PHIP: variants seen among roughly 807,000 people sequenced by gnomAD.
The protein encoded by PHIP is PHIP subunit of CUL4-Ring ligase complex.
A neutral mutation model predicts 236.8 loss-of-function variants in PHIP; 54 were observed. The observed-to-expected ratio is 0.23, with a 90% CI of 0.18 to 0.29. The LOEUF (loss-of-function observed/expected upper bound fraction) is 0.29. Among genes scored for constraint, PHIP ranks in the 10% least tolerant of loss-of-function variants. PHIP has a pLI of 1.00. For synonymous variants in PHIP, 756 were observed against 718.9 expected (o/e 1.05, Z -0.83); for missense variants, 1,370 against 2,190.8 (o/e 0.63, Z 7.48).
At chr6:79,042,727 A>G (rs939643531) in intron 7 of PHIP, 116 bp downstream of exon 7, 2 of 663,868 alleles carry the variant, frequency 3.0e-6, no homozygotes, top group African/African-American at 3.8e-5. Context: ...AAACCACCTG[A>G]ATTTCCGGTT....
chr6:79,043,263 G>C (rs1239911767), intron 6 of PHIP, among the ~76,000 whole-genome samples: 1 of 152,010 alleles, frequency 6.6e-6, no homozygotes, highest in Non-Finnish European at 1.5e-5. Flanking sequence ...ACAAAGTAAG[G>C]CATGAAGCTA....
At chr6:79,055,630 A>C (rs1031536600) in intron 6 of PHIP, among the ~76,000 whole-genome samples, 1 of 152,200 alleles carries the variant, frequency 6.6e-6, no homozygotes, top group African/African-American at 2.4e-5. Flanking sequence ...GTTCTAGAGC[A>C]CTGGAAGGCA....
intron 6 of PHIP, among the ~76,000 whole-genome samples, chr6:79,045,128 T>C (rs1049486353): frequency 6.6e-6 from 1 of 152,160 alleles, no homozygotes; most frequent in African/African-American, 2.4e-5. Context: ...GACTATATTC[T>C]GAAAGAAAAG....
chr6:79,029,484 GA>G (rs1415824573), intron 7 of PHIP, among the ~76,000 whole-genome samples: 1 of 152,016 alleles, frequency 6.6e-6, no homozygotes, highest in African/African-American at 2.4e-5. Flanking sequence ...AATGTATTGG[GA>G]AAAAATGTTT....
At chr6:79,063,846 C>G (rs1339214117) in intron 4 of PHIP, among the ~76,000 whole-genome samples, 1 of 152,138 alleles carries the variant, frequency 6.6e-6, no homozygotes, top group Admixed American at 6.5e-5. Context: ...GAACACATAT[C>G]TCAATGCTTG....
At chr6:78,962,763 G>A (rs932326304) in intron 30 of PHIP, among the ~76,000 whole-genome samples, 5 of 152,078 alleles carry the variant, frequency 3.3e-5, no homozygotes, top group Non-Finnish European at 5.9e-5. Flanking sequence ...TTATAACTCA[G>A]CTTTCAATCC....
At chr6:79,017,191 A>G (rs945901862) in intron 12 of PHIP, among the ~76,000 whole-genome samples, 155 bp downstream of exon 12, 1 of 152,022 alleles carries the variant, frequency 6.6e-6, no homozygotes, top group African/African-American at 2.4e-5. Flanking sequence ...AGACGTGCCT[A>G]TGCATGTGAA....
intron 30 of PHIP, among the ~76,000 whole-genome samples, chr6:78,962,184 C>T (rs1038521124): frequency 3.9e-5 from 6 of 152,078 alleles, no homozygotes; most frequent in Non-Finnish European, 8.8e-5. Flanking sequence ...CAAATCTAAC[C>T]TTTGACTTTC....
At chr6:79,076,029 C>A (rs186873255) in intron 4 of PHIP, among the ~76,000 whole-genome samples, 2 of 152,110 alleles carry the variant, frequency 1.3e-5, no homozygotes, top group Non-Finnish European at 2.9e-5. Flanking sequence ...TGAAAGTAAC[C>A]CAAATCACTC....
Position 78,998,374 on chromosome 6 carries a change from T to C in PHIP, c.1897A>G (p.Ser633Gly). 6.2e-7 allele frequency: 1 copy of C among 1,613,800 alleles called. No individual in the cohort carries two copies. The highest frequency in any genetic ancestry group is 8.5e-7 in the Non-Finnish European group (1 of 1,179,772). The part of the protein sequence containing the change: ...VTSSGLNQVL[S>G]QQANQEISPL... ...CTGATCTCCTGGTTTGCTTGCTGAC[T>C]TAAAACTTGATTCAGTCCTATACAA... The change falls in exon 18 of 40, where the codon AGT becomes GGT. Residue 633 changes from serine to glycine, a missense_variant. Ser to Gly is a moderately conservative substitution (Grantham distance 56). Transcript: ENST00000275034.
chr6:79,051,194 T>A (rs1304106432), intron 6 of PHIP, among the ~76,000 whole-genome samples: 2 of 152,172 alleles, frequency 1.3e-5, no homozygotes, highest in Non-Finnish European at 2.9e-5. Context: ...CAGGTTGGTT[T>A]ACTCCTACAG....
intron 23 of PHIP, among the ~76,000 whole-genome samples, chr6:78,981,479 T>A (rs1768528187): frequency 6.6e-6 from 1 of 151,996 alleles, no homozygotes; most frequent in African/African-American, 2.4e-5. Flanking sequence ...GGCAGAGTCA[T>A]CCTATCACAA....
At chr6:78,990,717 A>G (rs34665480) in intron 20 of PHIP, 151 bp downstream of exon 20, 2 of 458,696 alleles carry the variant, frequency 4.4e-6, no homozygotes, top group East Asian at 7.2e-5. Context: ...TAAATAGTAA[A>G]CAATAGATAA....
chr6:79,036,586 A>G (rs573978964), intron 7 of PHIP, among the ~76,000 whole-genome samples: 9 of 152,232 alleles, frequency 5.9e-5, no homozygotes, highest in African/African-American at 2.2e-4. Context: ...TATAACATAC[A>G]CACATAACTC....
chr6:79,022,754 C>A (rs1053525946), intron 9 of PHIP, among the ~76,000 whole-genome samples: 1 of 152,152 alleles, frequency 6.6e-6, no homozygotes, highest in Non-Finnish European at 1.5e-5. Context: ...ACTTAGACTA[C>A]CCATTTAAGA....
chr6:79,020,804 TCTCAGCTCACTGCAAC>T (rs1771081334), intron 9 of PHIP, among the ~76,000 whole-genome samples: 1 of 152,242 alleles, frequency 6.6e-6, no homozygotes. Flanking sequence ...AATGGCACAA[TCTCAGCTCACTGCAAC>T]CTCTGCCTCC....
chr6:79,007,919 C>T (rs575795828), intron 15 of PHIP, among the ~76,000 whole-genome samples: 2 of 151,900 alleles, frequency 1.3e-5, no homozygotes, highest in Non-Finnish European at 2.9e-5. Flanking sequence ...AAACTAGATA[C>T]AAAAAAGACT....
chr6:78,979,154 G>A (rs544919691), intron 23 of PHIP, among the ~76,000 whole-genome samples: 5 of 152,168 alleles, frequency 3.3e-5, no homozygotes, highest in South Asian at 4.1e-4. Flanking sequence ...CCAATCCTCC[G>A]TGTCTACTGA....
chr6:79,078,204 G>T lies in PHIP; in HGVS notation c.-136C>A. On this transcript the variant is annotated 5_prime_UTR_variant, in exon 1 of 40. Transcript: ENST00000275034. ...TCGGCTCCACCATTCAAGCAACGGC[G>T]GCGGAGGCGGAGGAGGAGGAGGAGG... is the stretch of plus-strand genomic sequence containing the variant. 1.3e-6 allele frequency: 1 copy of T among 771,200 alleles called. No homozygotes were observed. The highest frequency in any genetic ancestry group is 2.9e-5 in the East Asian group (1 of 34,654). The allele number at this position is 771,200 out of a possible 1,614,324, so 47.8% of individuals were successfully genotyped here. A position where few individuals can be genotyped will look rare whatever the true frequency, so the allele number is the denominator to read the frequency against.
Sources: gnomAD v4.1 joint callset for allele counts (sites outside exome capture counted in the v4.1 genomes callset) on GRCh38, gnomAD v4.1.1 for gene constraint, MANE v1.5 for transcripts, NCBI Gene and HGNC (gene_info 2026-07-23, HGNC 2026-07-21) for gene names.